LRRC37A: variants seen among roughly 807,000 people sequenced by gnomAD.
The protein encoded by LRRC37A is leucine-rich repeat-containing protein 37A.
Under a neutral mutation model 35.4 loss-of-function variants are expected in LRRC37A, and 3 were observed. That is an observed-to-expected ratio of 0.08 (90% confidence interval 0.04 to 0.22). The LOEUF (loss-of-function observed/expected upper bound fraction) is 0.22. Ranked by LOEUF, LRRC37A falls within the 10% of genes least tolerant of loss-of-function variation. The pLI, the probability that LRRC37A is intolerant of heterozygous loss-of-function variation, is 1.00. For missense variants in LRRC37A, 67 were observed against 565.3 expected, an observed-to-expected ratio of 0.12 and a Z score of 8.94; for synonymous variants, 23 against 215.0, an observed-to-expected ratio of 0.11 and a Z score of 7.81.
the LRRC37A span, chr17:46,267,065 A>T: frequency 3.4e-6 from 1 of 295,938 alleles, no homozygotes; most frequent in Non-Finnish European, 5.9e-6. Flanking sequence ...TCAGCCGCGC[A>T]GGGACGCGGA....
intron 7 of LRRC37A, among the ~76,000 whole-genome samples, chr17:46,324,071 G>C (rs1377540869): frequency 8.5e-6 from 1 of 118,020 alleles, no homozygotes; most frequent in Non-Finnish European, 1.9e-5. Flanking sequence ...TTTTATTGCT[G>C]AGTAGTATTC....
chr17:46,274,628 C>T, the LRRC37A span, among the ~76,000 whole-genome samples: 9 of 152,148 alleles, frequency 5.9e-5, no homozygotes, highest in African/African-American at 2.2e-4. Context: ...CAAATGAGGG[C>T]AGCAATAAAA....
At chr17:46,250,206 T>C in the LRRC37A span, among the ~76,000 whole-genome samples, 124 of 152,334 alleles carry the variant, frequency 8.1e-4, no homozygotes, top group African/African-American at 2.7e-3. Flanking sequence ...GCTGGGATTA[T>C]AGGCATGAAC....
At chr17:46,259,217 A>G in the LRRC37A span, among the ~76,000 whole-genome samples, 2 of 141,930 alleles carry the variant, frequency 1.4e-5, no homozygotes, top group Admixed American at 1.4e-4. Flanking sequence ...AGGACAAATC[A>G]GGACAATAAA....
chr17:46,278,032 G>A, the LRRC37A span, among the ~76,000 whole-genome samples: 4 of 151,512 alleles, frequency 2.6e-5, no homozygotes, highest in Admixed American at 1.3e-4. Flanking sequence ...TGCAACCTCC[G>A]CCTCCCACGT....
chr17:46,285,307 C>T, the LRRC37A span, among the ~76,000 whole-genome samples: 1 of 148,134 alleles, frequency 6.8e-6, no homozygotes, highest in Non-Finnish European at 1.5e-5. Context: ...ATGGCTCGAT[C>T]TTGGCTCACT....
chr17:46,304,531 G>T lies in LRRC37A; in HGVS notation c.2754-978G>T, dbSNP rs1381396395. On this transcript the variant is annotated intron_variant, in intron 3 of 13. Transcript: ENST00000320254. ...GAGTTTATATGATGACTGTGTGCAG[G>T]ATAGTTTAGGTAGGGAGAGACTGGA... is the stretch of plus-strand genomic sequence containing the variant. Among the ~76,000 whole-genome samples the T allele has an allele frequency of 2.7e-5, 2 of 74,588 alleles. 1 individual carries two copies. The highest frequency in any genetic ancestry group is 8.0e-5 in the Non-Finnish European group (2 of 24,910). The allele number at this position is 74,588 out of a possible 152,430, so 48.9% of individuals were successfully genotyped here.
chr17:46,319,208 G>T, intron 5 of LRRC37A, among the ~76,000 whole-genome samples: 1 of 4,970 alleles, frequency 2.0e-4, no homozygotes, highest in African/African-American at 7.3e-4. Context: ...GTTTATTGTG[G>T]TCAATTTTTT....
At chr17:46,294,053 A>C (rs2143494995), upstream of LRRC37A, 1 of 77,880 alleles carries the variant, frequency 1.3e-5, no homozygotes, top group East Asian at 2.6e-4. Context: ...CACCTGGCTA[A>C]TTTTGTATTT....
At chr17:46,272,423 A>AT in the LRRC37A span, among the ~76,000 whole-genome samples, 8 of 115,406 alleles carry the variant, frequency 6.9e-5, no homozygotes, top group Admixed American at 2.8e-4. Context: ...TTTCTTTTTT[A>AT]TTTTTTTTGA....
upstream of LRRC37A, among the ~76,000 whole-genome samples, chr17:46,288,877 G>T (rs1292635740): frequency 1.4e-4 from 22 of 151,926 alleles, no homozygotes; most frequent in African/African-American, 5.3e-4. Context: ...CTAATTTTTT[G>T]TATTTTTGTT....
At chr17:46,286,084 TA>T in the LRRC37A span, among the ~76,000 whole-genome samples, 1,475 of 152,228 alleles carry the variant, frequency 9.7e-3, 33 homozygotes, top group African/African-American at 0.034. Flanking sequence ...TCATGGCCAA[TA>T]AAAAATCTGC....
the LRRC37A span, among the ~76,000 whole-genome samples, chr17:46,254,456 T>C: frequency 6.6e-6 from 1 of 152,180 alleles, no homozygotes; most frequent in Non-Finnish European, 1.5e-5. Flanking sequence ...ATCTCACTCT[T>C]GTTTCCCAGG....
At chr17:46,291,287 T>TA (rs1036979030), upstream of LRRC37A, among the ~76,000 whole-genome samples, 1 of 151,734 alleles carries the variant, frequency 6.6e-6, no homozygotes, top group African/African-American at 2.4e-5. Flanking sequence ...CAAGTGAGAG[T>TA]AAAATATAAA....
At chr17:46,265,237 C>T in the LRRC37A span, among the ~76,000 whole-genome samples, 1 of 151,718 alleles carries the variant, frequency 6.6e-6, no homozygotes, top group African/African-American at 2.4e-5. Context: ...GCTCAACGGA[C>T]AAATTTCCTT....
the LRRC37A span, among the ~76,000 whole-genome samples, chr17:46,275,701 A>C: frequency 6.6e-6 from 1 of 152,250 alleles, no homozygotes; most frequent in Non-Finnish European, 1.5e-5. Context: ...CAACTGGACA[A>C]ATAGAGACAT....
chr17:46,271,332 A>ATTTTTT, the LRRC37A span, among the ~76,000 whole-genome samples: 18 of 125,658 alleles, frequency 1.4e-4, no homozygotes, highest in Non-Finnish European at 1.6e-4. Context: ...TACCTAGCTA[A>ATTTTTT]TTTTTTTTTT....
At chr17:46,266,965 T>C in the LRRC37A span, 1 of 154,400 alleles carries the variant, frequency 6.5e-6, no homozygotes, top group Non-Finnish European at 1.4e-5. Context: ...CCGCCGGCCC[T>C]GCCCACCCCA....
chr17:46,310,374 T>G (rs1237180412), intron 5 of LRRC37A: 2 of 116,632 alleles, frequency 1.7e-5, no homozygotes, highest in African/African-American at 5.6e-5. Context: ...GCAAATAATT[T>G]TCAATGCAGC....
Sources: allele counts gnomAD v4.1 joint callset (sites outside exome capture counted in the v4.1 genomes callset), GRCh38; gene constraint gnomAD v4.1.1; transcripts MANE v1.5; gene names NCBI Gene and HGNC (gene_info 2026-07-23, HGNC 2026-07-21).